HSPA9: variants seen among roughly 807,000 people sequenced by gnomAD.
HSPA9 encodes heat shock protein family A (Hsp70) member 9, also known as stress-70 protein, mitochondrial.
Under a neutral mutation model 81.5 loss-of-function variants are expected in HSPA9, and 28 were observed. The observed-to-expected ratio is 0.34, with a 90% confidence interval of 0.25 to 0.47. The LOEUF (loss-of-function observed/expected upper bound fraction) is 0.47. HSPA9 is among the 20% of genes least tolerant of loss of function. The pLI is 1.00. For missense variants in HSPA9, 678 were observed against 838.0 expected, an observed-to-expected ratio of 0.81 and a Z score of 2.36; for synonymous variants, 293 against 290.4, an observed-to-expected ratio of 1.01 and a Z score of -0.09.
chr5:138,574,195 G>T, intron 1 of HSPA9, 69 bp from the exon 2 acceptor site: 3 of 1,094,704 alleles, frequency 2.7e-6, no homozygotes, highest in Non-Finnish European at 4.2e-6. Context: ...GAAAACTTGG[G>T]CTCACTTAGT....
At chr5:138,566,750 C>G in intron 8 of HSPA9, 32 bp from the exon 9 acceptor site, 2 of 1,503,336 alleles carry the variant, frequency 1.3e-6, no homozygotes, top group Admixed American at 3.3e-5. Context: ...CACCAAACAC[C>G]AGCATTAGTG....
In HSPA9 at chr5:138,575,364, G is replaced by C. The variant is rs780832946; in HGVS notation, c.-46C>G. On this transcript the variant is annotated 5_prime_UTR_variant, in exon 1 of 17. Coordinates refer to ENST00000297185, the MANE Select transcript of HSPA9 (RefSeq NM_004134.7). ...CGAGGCAGCAAACAAGCGCTCCGAC[G>C]GCAAAGAGCTGCGCGATGCGGTGGC... 1.3e-6 allele frequency: 2 copies of C among 1,487,580 alleles called. No homozygotes were observed. Among genetic ancestry groups the C allele is most frequent in the Admixed American group, 1.7e-5 (1 of 58,086 alleles). 92.1% of individuals were successfully genotyped at this position (1,487,580 alleles called of 1,614,324 possible). A position where few individuals can be genotyped will look rare whatever the true frequency, so the allele number is the denominator to read the frequency against.
chr5:138,560,058 C>A lies in HSPA9; in HGVS notation c.1216G>T (p.Ala406Ser), dbSNP rs757507106. 2.4e-5 allele frequency: 39 copies of A among 1,613,996 alleles called. No individual in the cohort carries two copies. Among genetic ancestry groups the A allele is most frequent in the Non-Finnish European group, 3.1e-5 (36 of 1,180,010 alleles). ...TCAGGATTGACAGCTTTACTTGGGG[C>A]TCTGCCAAAAAGATCCTGTACAGTC... ...QQTVQDLFGR[A>S]PSKAVNPDEA... The change falls in exon 11 of 17, where the codon GCC (alanine) becomes TCC (serine). Residue 406 changes from alanine (A) to serine (S), a missense_variant. Transcript: ENST00000297185.
chr5:138,558,542 C>A lies in HSPA9; in HGVS notation c.1515+11G>T. 6.6e-7 allele frequency: 1 copy of A among 1,525,252 alleles called. No individual in the cohort carries two copies. The highest frequency in any genetic ancestry group is 1.1e-5 in the South Asian group (1 of 89,262). The allele number at this position is 1,525,252 out of a possible 1,614,324, so 94.5% of individuals were successfully genotyped here. On this transcript the variant is annotated intron_variant, in intron 12 of 16. Transcript: ENST00000297185. ...AAGGAGGCATAGTATTCAGGATTCA[C>A]AATAACCTACCAAAGTAAACTGTCC...
Position 138,574,920 on chromosome 5 carries a change from C to A in HSPA9, c.81+318G>T, listed in dbSNP as rs10479187. On this transcript the variant is annotated intron_variant, in intron 1 of 16. Coordinates refer to ENST00000297185, the MANE Select transcript of HSPA9 (RefSeq NM_004134.7). The stretch of plus-strand genomic sequence containing the variant: ...ATAAAACTGAAAATAGTGGCTTTCC[C>A]AATAGACTGCATCCCTCACCCCCAA... 2,481 of 474,116 alleles carry A rather than the reference C, an allele frequency of 5.2e-3. 62 individuals are homozygous for A. Among genetic ancestry groups the A allele is most frequent in the African/African-American group, 0.045 (2,275 of 50,586 alleles). The allele number at this position is 474,116 out of a possible 1,614,324, so 29.4% of individuals were successfully genotyped here.
At chr5:138,566,048 A>G (rs2127157866) in intron 9 of HSPA9, among the ~76,000 whole-genome samples, 1 of 152,008 alleles carries the variant, frequency 6.6e-6, no homozygotes, top group South Asian at 2.1e-4. Context: ...TTAGCCAGGC[A>G]TGGTGGTGCA....
intron 3 of HSPA9, among the ~76,000 whole-genome samples, 192 bp from the exon 4 acceptor site, chr5:138,571,333 A>G (rs2127161315): frequency 6.6e-6 from 1 of 152,078 alleles, no homozygotes; most frequent in South Asian, 2.1e-4. Flanking sequence ...GGCGTGCACC[A>G]CCACACCAAG....
intron 1 of HSPA9, 59 bp downstream of exon 1, chr5:138,575,179 A>T (rs890514345): frequency 2.4e-6 from 3 of 1,229,722 alleles, no homozygotes; most frequent in Non-Finnish European, 3.5e-6. Flanking sequence ...TGCCGCAGCG[A>T]AGCCCGAGGC....
At chr5:138,564,132 CTCAT>C (rs538813833) in intron 9 of HSPA9, among the ~76,000 whole-genome samples, 201 of 152,260 alleles carry the variant, frequency 1.3e-3, no homozygotes, top group African/African-American at 4.5e-3. Context: ...GAGACAGAGT[CTCAT>C]TCAGTCACCC....
In HSPA9 at chr5:138,567,217, A is replaced by G. The variant is rs1324750327; in HGVS notation, c.717-54T>C. 8.4e-6 allele frequency: 12 copies of G among 1,430,222 alleles called. No individual in the cohort carries two copies. The African/African-American group carries it at 1.4e-4, about 17-fold the overall frequency. The allele number at this position is 1,430,222 out of a possible 1,614,324, so 88.6% of individuals were successfully genotyped here. ...AAAGAAATCCTTAAGAACAAAACCT[A>G]TCACCAGGATATAAATTTCAATAAC... On this transcript the variant is annotated intron_variant, in intron 7 of 16. Coordinates refer to ENST00000297185, the MANE Select transcript of HSPA9 (RefSeq NM_004134.7).
Position 138,556,825 on chromosome 5 carries a change from G to A in HSPA9, c.1770C>T (p.His590=), listed in dbSNP as rs766887784. Residue 590 remains histidine (H), a synonymous_variant, in exon 15 of 17, where the codon CAC becomes CAT. Transcript: ENST00000297185. Reference sequence around the variant, plus strand: ...ATTCTTCCATCTTGGTTTCTGTGTCGTGAATGATTCCTTCAGCCATATTAA... The same window carrying A: ...ATTCTTCCATCTTGGTTTCTGTGTCATGAATGATTCCTTCAGCCATATTAA... ...EAVNMAEGII[H]DTETKMEEFK... is the part of the protein sequence containing the mutation. 8.7e-6 allele frequency: 14 copies of A among 1,613,792 alleles called. No homozygotes were observed. The highest frequency in any genetic ancestry group is 2.7e-5 in the African/African-American group (2 of 75,010).
At position 138,554,712 on chromosome 5, in the gene HSPA9, ACATT is replaced by A. The variant is rs1247396060; in HGVS notation, c.*1321_*1324del. On this transcript the variant is annotated 3_prime_UTR_variant, in exon 17 of 17. Transcript: ENST00000297185. ...CAGACTCTTTTGAACATGGCATATG[ACATT>A]CATCCATGAAACATAAGGGAAATGT... Among the ~76,000 whole-genome samples the A allele has an allele frequency of 1.3e-5, 2 of 152,342 alleles. No individual in the cohort carries two copies. Among genetic ancestry groups the A allele is most frequent in the East Asian group, 3.9e-4 (2 of 5,188 alleles).
chr5:138,575,083 C>A, intron 1 of HSPA9, 155 bp downstream of exon 1: 1 of 629,794 alleles, frequency 1.6e-6, no homozygotes, highest in Non-Finnish European at 2.9e-6. Flanking sequence ...AAATCTTGAC[C>A]CGGCAGCGCT....
intron 12 of HSPA9, among the ~76,000 whole-genome samples, chr5:138,558,331 G>A (rs539711825): frequency 2.6e-5 from 4 of 152,036 alleles, no homozygotes; most frequent in African/African-American, 9.6e-5. Context: ...TTTTAAATGA[G>A]TAATCAGGAG....
In HSPA9 at chr5:138,574,154, C is replaced by A. The variant is rs778085719; in HGVS notation, c.82-28G>T. 7 of 1,564,308 alleles carry A rather than the reference C, an allele frequency of 4.5e-6. No individual in the cohort carries two copies. In the East Asian group the frequency reaches 1.3e-4, roughly 30 times the overall value. ...AAAAAAGAAAAAACTGACTCAGTCA[C>A]CAACCAGTGTGTATCCTGGGAGGAA... On this transcript the variant is annotated intron_variant, in intron 1 of 16. Transcript: ENST00000297185.
chr5:138,557,752 C>A, intron 13 of HSPA9, 117 bp downstream of exon 13: 1 of 814,750 alleles, frequency 1.2e-6, no homozygotes, highest in Middle Eastern at 3.4e-4. Context: ...ATAAACATTA[C>A]ACTTGTACAA....
Position 138,571,040 on chromosome 5 carries a change from G to A in HSPA9, c.330C>T (p.Val110=), listed in dbSNP as rs547339221. 26 of 1,614,032 alleles carry A rather than the reference G, an allele frequency of 1.6e-5. No homozygotes were observed. The highest frequency in any genetic ancestry group is 9.3e-5 in the African/African-American group (7 of 74,910). The change falls in exon 4 of 17, where the codon GTC becomes GTT. Residue 110 remains valine (V), a synonymous_variant. Coordinates refer to ENST00000297185, the MANE Select transcript of HSPA9 (RefSeq NM_004134.7). The stretch of plus-strand genomic sequence containing the variant: ...CATAAAATGTATTGTTTGGGTTGGT[G>A]ACAGCCTGTCGCTTGGCCGGCATTC... ...LVGMPAKRQA[V]TNPNNTFYAT... is the part of the protein sequence containing the mutation.
Position 138,569,015 on chromosome 5 carries a change from T to C in HSPA9, c.445A>G (p.Asn149Asp), listed in dbSNP as rs745377968. The C allele has an allele frequency of 6.2e-6, 10 of 1,613,848 alleles. No individual in the cohort carries two copies. The African/African-American group carries it at 6.7e-5, about 11-fold the overall frequency. Reference sequence around the variant, plus strand: ...TGAGCCTCAACCCAGGCATCACCATTGGAGGCACGGACAATTTTAAAGGGA... The same window carrying C: ...TGAGCCTCAACCCAGGCATCACCATCGGAGGCACGGACAATTTTAAAGGGA... Reference protein sequence around the residue: ...NVPFKIVRASNGDAWVEAHGK... With the variant: ...NVPFKIVRASDGDAWVEAHGK... The change falls in exon 5 of 17, where the codon AAT becomes GAT. Residue 149 changes from asparagine to aspartate, a missense_variant. Coordinates refer to ENST00000297185, the MANE Select transcript of HSPA9 (RefSeq NM_004134.7).
chr5:138,568,199 A>C (rs187931159), intron 5 of HSPA9, among the ~76,000 whole-genome samples: 110 of 143,462 alleles, frequency 7.7e-4, no homozygotes, highest in African/African-American at 1.1e-3. Flanking sequence ...ACAAACAAAC[A>C]AACCCAAGAT....
Sources: gnomAD v4.1 joint callset for allele counts (sites outside exome capture counted in the v4.1 genomes callset) on GRCh38, gnomAD v4.1.1 for gene constraint, MANE v1.5 for transcripts, NCBI Gene and HGNC (gene_info 2026-07-23, HGNC 2026-07-21) for gene names.